Variants in VARS2 observed in about 807,000 individuals in gnomAD.
The protein encoded by VARS2 is valine--tRNA ligase, mitochondrial.
Under a neutral mutation model 154.1 loss-of-function variants are expected in VARS2, and 105 were observed. The observed-to-expected ratio is 0.68, with a 90% confidence interval of 0.58 to 0.80. The LOEUF (loss-of-function observed/expected upper bound fraction) is 0.80. VARS2 is among the 30% of genes least tolerant of loss of function. VARS2 has a pLI of 0.00. For synonymous variants in VARS2, 483 were observed against 539.5 expected (o/e 0.90, Z 1.45); for missense variants, 1,157 against 1,361.4 (o/e 0.85, Z 2.36).
chr6:30,920,123 C>T lies in VARS2; in HGVS notation c.1200C>T (p.Ala400=), dbSNP rs773827716. The T allele has an allele frequency of 5.1e-6, 8 of 1,580,266 alleles. No individual in the cohort carries two copies. Among genetic ancestry groups the T allele is most frequent in the South Asian group, 3.5e-5 (3 of 85,172 alleles). The change falls in exon 13 of 30, where the codon GCC becomes GCT. Residue 400 remains alanine, a synonymous_variant. Transcript: ENST00000676266. This position sits in a 1 kb window ranked among gnomAD's most constrained non-coding sequence, Gnocchi z 4.6. Reference sequence around the variant, plus strand: ...AGGTGACTCCAGCTCACAGTCCTGCCGATGCTGAGATGGGGGCCCGACATG... The same window carrying T: ...AGGTGACTCCAGCTCACAGTCCTGCTGATGCTGAGATGGGGGCCCGACATG... ...AVKVTPAHSP[A]DAEMGARHGL...
In VARS2 at chr6:30,919,200, C is replaced by T. The variant is rs539041917; in HGVS notation, c.1074+285C>T. 3.3e-6 allele frequency: 1 copy of T among 306,922 alleles called. No homozygotes were observed. Among genetic ancestry groups the T allele is most frequent in the South Asian group, 9.8e-5 (1 of 10,230 alleles). The allele number at this position is 306,922 out of a possible 1,614,324, so 19.0% of individuals were successfully genotyped here. On this transcript the variant is annotated intron_variant, in intron 11 of 29. Transcript: ENST00000676266. This position sits in a 1 kb window ranked among gnomAD's most constrained non-coding sequence, Gnocchi z 4.5. ...GTGGTGTGATCTTGGCTCACTGCAA[C>T]CTCCACCTCCTGGGTTCAAGCAATT...
In VARS2 at chr6:30,919,154, T is replaced by C. The variant is rs556450326; in HGVS notation, c.1074+239T>C. 5.5e-5 allele frequency: 26 copies of C among 473,120 alleles called. 1 individual carries two copies. In the South Asian group the frequency reaches 7.9e-4, roughly 14 times the overall value. 29.3% of individuals were successfully genotyped at this position (473,120 alleles called of 1,614,324 possible). On this transcript the variant is annotated intron_variant, in intron 11 of 29. Coordinates refer to ENST00000676266, the MANE Select transcript of VARS2 (RefSeq NM_020442.6). This position sits in a 1 kb window ranked among gnomAD's most constrained non-coding sequence, Gnocchi z 4.5. Reference sequence around the variant, plus strand: ...TTTTTTTTGAGACAGAGTCTCGCTCTGTCACCAAGGCTGGAGGGCAGTGGT... The same window carrying C: ...TTTTTTTTGAGACAGAGTCTCGCTCCGTCACCAAGGCTGGAGGGCAGTGGT...
Position 30,916,272 on chromosome 6 carries a change from G to C in VARS2, c.671+23G>C, listed in dbSNP as rs758367844. 1 of 1,588,450 alleles carries C rather than the reference G, an allele frequency of 6.3e-7. No individual in the cohort carries two copies. Among genetic ancestry groups the C allele is most frequent in the Admixed American group, 1.8e-5 (1 of 57,092 alleles). On this transcript the variant is annotated intron_variant, in intron 7 of 29. Transcript: ENST00000676266. This position sits in a 1 kb window ranked among gnomAD's most constrained non-coding sequence, Gnocchi z 4.0. ...GGCGTGAGTATGATGGGCAGGACTC[G>C]GGGGGCCCAGATGGCAGATTTGGTT...
Position 30,920,041 on chromosome 6 carries a change from C to A in VARS2, c.1166-48C>A, listed in dbSNP as rs369315777. 3 of 1,150,624 alleles carry A rather than the reference C, an allele frequency of 2.6e-6. No individual in the cohort carries two copies. In the African/African-American group the frequency reaches 5.2e-5, roughly 20 times the overall value. The allele number at this position is 1,150,624 out of a possible 1,614,324, so 71.3% of individuals were successfully genotyped here. A position where few individuals can be genotyped will look rare whatever the true frequency, so the allele number is the denominator to read the frequency against. Reference sequence around the variant, plus strand: ...GGTGATGATGATACATCTGGAAAAGCAAAAGCCAAGGTCAGGTTCAGTACT... The same window carrying A: ...GGTGATGATGATACATCTGGAAAAGAAAAAGCCAAGGTCAGGTTCAGTACT... On this transcript the variant is annotated intron_variant, in intron 12 of 29. Coordinates refer to ENST00000676266, the MANE Select transcript of VARS2 (RefSeq NM_020442.6). This position sits in a 1 kb window ranked among gnomAD's most constrained non-coding sequence, Gnocchi z 4.6.
Position 30,918,900 on chromosome 6 carries a change from C to A in VARS2, c.1059C>A (p.Asp353Glu). 1 of 1,612,914 alleles carries A rather than the reference C, an allele frequency of 6.2e-7. No individual in the cohort carries two copies. Among genetic ancestry groups the A allele is most frequent in the Non-Finnish European group, 8.5e-7 (1 of 1,180,026 alleles). The change falls in exon 11 of 30, where the codon GAC becomes GAA. Residue 353 changes from aspartate (D) to glutamate (E), a missense_variant. Asp to Glu is a conservative substitution (Grantham distance 45). Coordinates refer to ENST00000676266, the MANE Select transcript of VARS2 (RefSeq NM_020442.6). ...ATGTGGCTGTGGCCGTTCATCCAGA[C>A]GACTCGCGATACACAGTAATACCCA... ...PGDVAVAVHP[D>E]DSRYTHLHGR...
chr6:30,917,370 G>T lies in VARS2; in HGVS notation c.873+146G>T. On this transcript the variant is annotated intron_variant, in intron 9 of 29. Coordinates refer to ENST00000676266, the MANE Select transcript of VARS2 (RefSeq NM_020442.6). The surrounding 1 kb of genome is among the most constrained non-coding windows in gnomAD (Gnocchi z 4.4). ...TGTGTGGCTTTTGGCAGGCCGTTTA[G>T]TCTCTTTAAGCCTCAGCTTCCTCAG... 1 of 1,259,878 alleles carries T rather than the reference G, an allele frequency of 7.9e-7. No homozygotes were observed. 78.0% of individuals were successfully genotyped at this position (1,259,878 alleles called of 1,614,324 possible). A position where few individuals can be genotyped will look rare whatever the true frequency, so the allele number is the denominator to read the frequency against.
intron 27 of VARS2, 23 bp downstream of exon 27, chr6:30,925,408 C>T: frequency 6.3e-7 from 1 of 1,594,590 alleles, no homozygotes; most frequent in Non-Finnish European, 8.6e-7. Flanking sequence ...GGGTCCTGGG[C>T]TCGGATCCCT....
chr6:30,914,247 C>A lies in VARS2; in HGVS notation c.-125C>A. 1.4e-6 allele frequency: 1 copy of A among 736,280 alleles called. No homozygotes were observed. The highest frequency in any genetic ancestry group is 1.9e-6 in the Non-Finnish European group (1 of 533,626). 45.6% of individuals were successfully genotyped at this position (736,280 alleles called of 1,614,324 possible). A position where few individuals can be genotyped will look rare whatever the true frequency, so the allele number is the denominator to read the frequency against. On this transcript the variant is annotated 5_prime_UTR_variant, in exon 1 of 30. Transcript: ENST00000676266. ...CGCCGGCCGGGGCCCCGCCCCCATG[C>A]GCCGCGCGGCTCCAGGGCCACGTTC...
intron 25 of VARS2, 98 bp downstream of exon 25, chr6:30,923,603 T>C: frequency 6.6e-7 from 1 of 1,505,858 alleles, no homozygotes; most frequent in East Asian, 2.3e-5. Flanking sequence ...AAGTTCCCAA[T>C]TGTCCCCTCA....
Position 30,915,416 on chromosome 6 carries a change from G to A in VARS2, c.345G>A (p.Pro115=), listed in dbSNP as rs538491552. The change falls in exon 4 of 30, where the codon CCG becomes CCA. Residue 115 remains proline, a synonymous_variant. Transcript: ENST00000676266. ...GATATGTTGAGGCTGCCTGGTACCCGTGGTGGGTACGAGAGGGCTTCTTCA... is the reference window on the plus strand; with the variant it reads ...GATATGTTGAGGCTGCCTGGTACCCATGGTGGGTACGAGAGGGCTTCTTCA... The part of the protein sequence containing the change: ...SPRYVEAAWY[P]WWVREGFFKP... 4.3e-6 allele frequency: 7 copies of A among 1,614,068 alleles called. No homozygotes were observed. Among genetic ancestry groups the A allele is most frequent in the Middle Eastern group, 1.6e-4 (1 of 6,084 alleles).
At chr6:30,914,519 G>A (rs757800481) in intron 1 of VARS2, 175 bp downstream of exon 1, 2 of 1,339,114 alleles carry the variant, frequency 1.5e-6, no homozygotes. Flanking sequence ...TCTTGGGCGC[G>A]CTGATGCCCA....
In VARS2 at chr6:30,920,445, A is replaced by G. The variant is rs1295378583; in HGVS notation, c.1397+9A>G. 1 of 1,596,940 alleles carries G rather than the reference A, an allele frequency of 6.3e-7. No homozygotes were observed. Among genetic ancestry groups the G allele is most frequent in the African/African-American group, 1.4e-5 (1 of 74,066 alleles). ...GTACTGCCCATCTGCAGGTAACCTC[A>G]TTTTAACTCCTTTACTAAGGGCTAC... On this transcript the variant is annotated intron_variant, in intron 14 of 29. Transcript: ENST00000676266. This position sits in a 1 kb window ranked among gnomAD's most constrained non-coding sequence, Gnocchi z 4.6.
chr6:30,923,913 T>C (rs1582201376), intron 25 of VARS2: 2 of 353,850 alleles, frequency 5.7e-6, no homozygotes, highest in East Asian at 1.3e-4. Flanking sequence ...GGAGGGCTTG[T>C]TGACGGTGGA....
In VARS2 at chr6:30,919,518, T is replaced by C; in HGVS notation, c.1075-240T>C. 2.5e-6 allele frequency: 1 copy of C among 395,238 alleles called. No homozygotes were observed. The highest frequency in any genetic ancestry group is 2.1e-5 in the African/African-American group (1 of 48,750). 24.5% of individuals were successfully genotyped at this position (395,238 alleles called of 1,614,324 possible). On this transcript the variant is annotated intron_variant, in intron 11 of 29. Transcript: ENST00000676266. The surrounding 1 kb of genome is among the most constrained non-coding windows in gnomAD (Gnocchi z 4.5). ...CCTTTATATTATCTATGGCTGCTATTATATACCCTCTCCAGCTCTGCTGCA... is the reference window on the plus strand; with the variant it reads ...CCTTTATATTATCTATGGCTGCTATCATATACCCTCTCCAGCTCTGCTGCA...
chr6:30,921,086 G>A lies in VARS2; in HGVS notation c.1501G>A (p.Glu501Lys), dbSNP rs756911643. Reference protein sequence around the residue: ...AAKAVESGALELSPSFHQKNW... With the variant: ...AAKAVESGALKLSPSFHQKNW... ...CCAGGCTGTGGAGTCGGGGGCCCTGGAGCTCAGTCCCTCCTTCCACCAGAA... is the reference window on the plus strand; with the variant it reads ...CCAGGCTGTGGAGTCGGGGGCCCTGAAGCTCAGTCCCTCCTTCCACCAGAA... Residue 501 changes from glutamate (E) to lysine (K), a missense_variant, in exon 16 of 30, where the codon GAG becomes AAG. By Grantham distance (56) the Glu-to-Lys change is moderately conservative. Coordinates refer to ENST00000676266, the MANE Select transcript of VARS2 (RefSeq NM_020442.6). This position sits in a 1 kb window ranked among gnomAD's most constrained non-coding sequence, Gnocchi z 4.6. 1.9e-6 allele frequency: 3 copies of A among 1,613,700 alleles called. No individual in the cohort carries two copies. The highest frequency in any genetic ancestry group is 1.7e-6 in the Non-Finnish European group (2 of 1,179,792).
In VARS2 at chr6:30,917,550, C is replaced by T; in HGVS notation, c.874-145C>T. 1.3e-6 allele frequency: 1 copy of T among 779,600 alleles called. No individual in the cohort carries two copies. Among genetic ancestry groups the T allele is most frequent in the East Asian group, 2.7e-5 (1 of 37,346 alleles). 48.3% of individuals were successfully genotyped at this position (779,600 alleles called of 1,614,324 possible). A position where few individuals can be genotyped will look rare whatever the true frequency, so the allele number is the denominator to read the frequency against. On this transcript the variant is annotated intron_variant, in intron 9 of 29. Coordinates refer to ENST00000676266, the MANE Select transcript of VARS2 (RefSeq NM_020442.6). The surrounding 1 kb of genome is among the most constrained non-coding windows in gnomAD (Gnocchi z 4.4). Reference sequence around the variant, plus strand: ...TGACTGCACGAGCATTGGGTGAGGGCAGAGGGAGGTAGCTCCCGAATCCTC... The same window carrying T: ...TGACTGCACGAGCATTGGGTGAGGGTAGAGGGAGGTAGCTCCCGAATCCTC...
intron 27 of VARS2, 77 bp from the exon 28 acceptor site, chr6:30,925,467 C>A: frequency 6.4e-7 from 1 of 1,557,518 alleles, no homozygotes; most frequent in Non-Finnish European, 8.7e-7. Context: ...GAAGGGCCAA[C>A]CCCCCCGTTA....
intron 26 of VARS2, 83 bp downstream of exon 26, chr6:30,924,643 C>A: frequency 2.7e-6 from 2 of 734,418 alleles, no homozygotes; most frequent in Non-Finnish European, 4.4e-6. Context: ...GGGGGCTCAT[C>A]TGCAGGAATG....
Position 30,917,751 on chromosome 6 carries a change from C to G in VARS2, c.930C>G (p.Thr310=). The change falls in exon 10 of 30, where the codon ACC becomes ACG. Residue 310 remains threonine, a synonymous_variant. Transcript: ENST00000676266. The surrounding 1 kb of genome is among the most constrained non-coding windows in gnomAD (Gnocchi z 4.4). ...HTQLRLPGCP[T]PVSFGLLFSV... ...AGCTTCGACTGCCTGGCTGCCCCAC[C>G]CCCGTGTCTTTTGGCCTCCTATTTT... is the stretch of plus-strand genomic sequence containing the variant. 6.4e-7 allele frequency: 1 copy of G among 1,567,582 alleles called. No homozygotes were observed. The highest frequency in any genetic ancestry group is 8.7e-7 in the Non-Finnish European group (1 of 1,155,702).
Sources: allele counts gnomAD v4.1 joint callset, GRCh38; gene constraint gnomAD v4.1.1; non-coding constraint Gnocchi (gnomAD v3.1); transcripts MANE v1.5; gene names NCBI Gene and HGNC (gene_info 2026-07-23, HGNC 2026-07-21).